Variants in CCDC148 observed in about 807,000 individuals in gnomAD.
CCDC148 encodes coiled-coil domain-containing protein 148.
In CCDC148, 89 loss-of-function variants were observed where a neutral mutation model predicts 85.7. The ratio of observed to expected loss-of-function variants is 1.04; its 90% CI spans 0.87 to 1.24. The LOEUF (loss-of-function observed/expected upper bound fraction) is 1.24. CCDC148 is among the 50% of genes most tolerant of loss of function. The pLI is 0.00. For missense variants in CCDC148, 692 were observed against 671.7 expected (o/e 1.03, Z -0.33); for synonymous variants, 230 against 213.9 (o/e 1.08, Z -0.66).
At chr2:158,260,327 A>G (rs1436815190) in intron 9 of CCDC148, among the ~76,000 whole-genome samples, 1 of 152,006 alleles carries the variant, frequency 6.6e-6, no homozygotes, top group Admixed American at 6.6e-5. Flanking sequence ...CAGGTTAAAC[A>G]CTCTCAATAA....
At chr2:158,426,849 T>TA (rs1242529754) in intron 1 of CCDC148, among the ~76,000 whole-genome samples, 1 of 152,202 alleles carries the variant, frequency 6.6e-6, no homozygotes, top group East Asian at 1.9e-4. Flanking sequence ...TATTACACCT[T>TA]ACACCTAGGA....
At chr2:158,249,937 A>C (rs567068487) in intron 10 of CCDC148, among the ~76,000 whole-genome samples, 2 of 152,144 alleles carry the variant, frequency 1.3e-5, no homozygotes, top group Non-Finnish European at 2.9e-5. Flanking sequence ...GATCAAGTCA[A>C]AACAGGTGTA....
chr2:158,368,232 AG>A (rs777230775), intron 1 of CCDC148, among the ~76,000 whole-genome samples: 52 of 152,292 alleles, frequency 3.4e-4, no homozygotes, highest in Middle Eastern at 6.8e-3. Context: ...GGGCCCCACC[AG>A]GGTTTCAAAA....
chr2:158,338,758 T>C lies in CCDC148; in HGVS notation c.732A>G (p.Gln244=), dbSNP rs1381719058. ...TGTCTTCCAACTGCAGATTAAAGTC[T>C]TGAAGCTTCTTCTGATATTTCTGTG... ...KFTQKYQKKL[Q]DFNLQLEDIY... is the part of the protein sequence containing the mutation. Residue 244 remains glutamine (Q), a synonymous_variant, in exon 7 of 14, where the codon CAA becomes CAG. Coordinates refer to ENST00000283233, the MANE Select transcript of CCDC148 (RefSeq NM_138803.4). 1 of 1,609,696 alleles carries C rather than the reference T, an allele frequency of 6.2e-7. No homozygotes were observed. Among genetic ancestry groups the C allele is most frequent in the African/African-American group, 1.3e-5 (1 of 74,456 alleles).
At chr2:158,324,069 A>G (rs1401305053) in intron 7 of CCDC148, among the ~76,000 whole-genome samples, 1 of 151,454 alleles carries the variant, frequency 6.6e-6, no homozygotes, top group Admixed American at 6.6e-5. Flanking sequence ...GGCATGCACC[A>G]CTACTGCCCA....
chr2:158,206,394 T>A (rs1468439985), intron 11 of CCDC148, among the ~76,000 whole-genome samples: 1 of 151,972 alleles, frequency 6.6e-6, no homozygotes, highest in East Asian at 1.9e-4. Context: ...CCACAGCCCC[T>A]AAGGCACCCT....
At chr2:158,431,894 G>A (rs535020048) in intron 1 of CCDC148, among the ~76,000 whole-genome samples, 1 of 151,960 alleles carries the variant, frequency 6.6e-6, no homozygotes, top group South Asian at 2.1e-4. Flanking sequence ...TCAAGATTGT[G>A]CCACTGCACT....
chr2:158,394,041 T>C (rs796374572), intron 1 of CCDC148, among the ~76,000 whole-genome samples: 38 of 152,192 alleles, frequency 2.5e-4, no homozygotes, highest in African/African-American at 8.7e-4. Context: ...TCAATACCAG[T>C]AAGGGACTCT....
chr2:158,294,900 T>C (rs946271669), intron 9 of CCDC148, among the ~76,000 whole-genome samples: 3 of 151,750 alleles, frequency 2.0e-5, no homozygotes, highest in African/African-American at 7.3e-5. Flanking sequence ...GCTAGCACTG[T>C]ATGAGAATTC....
chr2:158,439,100 A>G (rs145919639), intron 1 of CCDC148, among the ~76,000 whole-genome samples: 9,223 of 152,214 alleles, frequency 0.061, 409 homozygotes, highest in Admixed American at 0.11. Flanking sequence ...TAGAAATACC[A>G]TTTGACCCAG....
chr2:158,453,454 C>A (rs772699719), intron 1 of CCDC148, among the ~76,000 whole-genome samples: 5 of 152,152 alleles, frequency 3.3e-5, no homozygotes, highest in African/African-American at 4.8e-5. Context: ...CCCTAGCAAC[C>A]CTTCTCAGGC....
intron 11 of CCDC148, among the ~76,000 whole-genome samples, chr2:158,189,594 G>GT (rs1685322670): frequency 6.6e-6 from 1 of 151,906 alleles, no homozygotes; most frequent in South Asian, 2.1e-4. Context: ...ATATGGTGGA[G>GT]TGCATTATGA....
chr2:158,198,712 A>G (rs1409934210), intron 11 of CCDC148, among the ~76,000 whole-genome samples: 1 of 152,196 alleles, frequency 6.6e-6, no homozygotes, highest in Non-Finnish European at 1.5e-5. Context: ...TCATCCTATA[A>G]GCACAGTTTG....
intron 9 of CCDC148, among the ~76,000 whole-genome samples, chr2:158,295,393 G>A (rs958766642): frequency 5.9e-5 from 9 of 152,122 alleles, no homozygotes; most frequent in Admixed American, 1.3e-4. Flanking sequence ...CATCATCCTG[G>A]TACCAAAGCC....
At chr2:158,204,679 T>A (rs1029039547) in intron 11 of CCDC148, among the ~76,000 whole-genome samples, 2 of 152,100 alleles carry the variant, frequency 1.3e-5, no homozygotes, top group African/African-American at 4.8e-5. Context: ...CCAGAAATTA[T>A]GAAGCAGAGA....
At chr2:158,309,296 G>T in intron 9 of CCDC148, 137 bp downstream of exon 9, 1 of 724,954 alleles carries the variant, frequency 1.4e-6, no homozygotes, top group Non-Finnish European at 2.2e-6. Flanking sequence ...ATTTTATACA[G>T]TTCAAACTAA....
At position 158,420,795 on chromosome 2, in the gene CCDC148, C is replaced by A. The variant is rs567454656; in HGVS notation, c.25+35620G>T. 2.6e-3 allele frequency among the ~76,000 whole-genome samples: 401 copies of A among 151,924 alleles called. 1 individual carries two copies. Among genetic ancestry groups the A allele is most frequent in the African/African-American group, 9.2e-3 (382 of 41,470 alleles). On this transcript the variant is annotated intron_variant, in intron 1 of 13. Coordinates refer to ENST00000283233, the MANE Select transcript of CCDC148 (RefSeq NM_138803.4). ...TCAATTAAAATACACAGACTGGCAA[C>A]TTGGATAGAGTCAAGACCCATCAGT...
chr2:158,432,432 A>T (rs1351429421), intron 1 of CCDC148, among the ~76,000 whole-genome samples: 1 of 152,204 alleles, frequency 6.6e-6, no homozygotes, highest in Non-Finnish European at 1.5e-5. Context: ...ATGGCAAAAG[A>T]TATACCACAA....
chr2:158,397,869 C>A (rs551442762), intron 1 of CCDC148, among the ~76,000 whole-genome samples: 1 of 152,242 alleles, frequency 6.6e-6, no homozygotes, highest in South Asian at 2.1e-4. Flanking sequence ...CATCAGTGTG[C>A]TGTATTCAAG....
Sources: gnomAD v4.1 joint callset for allele counts (sites outside exome capture counted in the v4.1 genomes callset) on GRCh38, gnomAD v4.1.1 for gene constraint, MANE v1.5 for transcripts, NCBI Gene and HGNC (gene_info 2026-07-23, HGNC 2026-07-21) for gene names.